TAB1: variants seen among roughly 807,000 people sequenced by gnomAD.
TAB1 encodes TGF-beta activated kinase 1 (MAP3K7) binding protein 1.
In TAB1, 30 loss-of-function variants were observed where a neutral mutation model predicts 54.5. That is an observed-to-expected ratio of 0.55 (90% confidence interval 0.41 to 0.75). The LOEUF is 0.75. TAB1 is among the 30% of genes least tolerant of loss of function. TAB1 has a pLI of 0.00. For missense variants in TAB1, 609 were observed against 683.2 expected, an observed-to-expected ratio of 0.89 and a Z score of 1.21; for synonymous variants, 289 against 286.9, an observed-to-expected ratio of 1.01 and a Z score of -0.07.
At chr22:39,418,318 T>G (rs1477944380) in intron 5 of TAB1, among the ~76,000 whole-genome samples, 6 of 152,224 alleles carry the variant, frequency 3.9e-5, no homozygotes, top group African/African-American at 1.4e-4. Context: ...AGTGGAAAAT[T>G]TTCCACAATA....
downstream of TAB1, chr22:39,433,600 G>C (rs969231857): frequency 5.4e-5 from 53 of 985,348 alleles, no homozygotes; most frequent in Non-Finnish European, 5.8e-5. Flanking sequence ...TCCTCACTAG[G>C]AGTTGTACCG....
downstream of TAB1, chr22:39,433,928 C>T (rs940993921): frequency 1.7e-5 from 10 of 591,870 alleles, no homozygotes; most frequent in South Asian, 6.9e-4. Context: ...ATGGGTCACT[C>T]ACTCTCAGCC....
chr22:39,409,762 C>G (rs1030025420), intron 1 of TAB1, among the ~76,000 whole-genome samples: 1 of 152,150 alleles, frequency 6.6e-6, no homozygotes, highest in Non-Finnish European at 1.5e-5. Flanking sequence ...GTCCCATTAC[C>G]ATGGTGTGTT....
chr22:39,435,490 G>A (rs1382051615), downstream of TAB1, among the ~76,000 whole-genome samples: 2 of 152,216 alleles, frequency 1.3e-5, no homozygotes, highest in African/African-American at 4.8e-5. Context: ...TGTGTCTGAA[G>A]GTTCGCTGGG....
At position 39,419,972 on chromosome 22, in the gene TAB1, C is replaced by A. The variant is rs1046400934; in HGVS notation, c.776+342C>A. ...TGTAGAAACAAGGGGTGGAGTTGAG[C>A]TGGGCCAAAGCTGAGGGCAGCAACT... is the stretch of plus-strand genomic sequence containing the variant. On this transcript the variant is annotated intron_variant, in intron 7 of 10. Coordinates refer to ENST00000216160, the MANE Select transcript of TAB1 (RefSeq NM_006116.3). Among the ~76,000 whole-genome samples the A allele has an allele frequency of 3.2e-5, 4 of 124,554 alleles. No homozygotes were observed. In the South Asian group the frequency reaches 1.1e-3, roughly 34 times the overall value. The allele number at this position is 124,554 out of a possible 152,430, so 81.7% of individuals were successfully genotyped here.
At chr22:39,421,425 A>G (rs907568685) in intron 7 of TAB1, among the ~76,000 whole-genome samples, 7 of 152,124 alleles carry the variant, frequency 4.6e-5, no homozygotes, top group African/African-American at 1.4e-4. Context: ...ACACATGGAG[A>G]GTATCTGGGG....
intron 8 of TAB1, among the ~76,000 whole-genome samples, chr22:39,422,974 T>C (rs961247961): frequency 1.5e-4 from 22 of 150,952 alleles, no homozygotes; most frequent in African/African-American, 2.2e-4. Flanking sequence ...CTTTTCTGCT[T>C]TGACTTTTTT....
downstream of TAB1, chr22:39,433,569 C>T (rs897983954): frequency 9.2e-5 from 91 of 985,430 alleles, no homozygotes; most frequent in African/African-American, 1.3e-3. Flanking sequence ...GGTCTGAGGG[C>T]GCCGCAGCAC....
intron 1 of TAB1, among the ~76,000 whole-genome samples, chr22:39,401,250 A>G (rs1471207857): frequency 6.6e-6 from 1 of 152,252 alleles, no homozygotes; most frequent in Non-Finnish European, 1.5e-5. Context: ...ACCTGGAACC[A>G]GAGCCTTGAA....
intron 1 of TAB1, among the ~76,000 whole-genome samples, chr22:39,408,383 G>A (rs547083715): frequency 4.6e-5 from 7 of 152,214 alleles, no homozygotes; most frequent in South Asian, 2.1e-4. Context: ...GTTGTGAAAC[G>A]CTCTCAGATG....
Position 39,415,527 on chromosome 22 carries a change from G to C in TAB1, c.198G>C (p.Gly66=), listed in dbSNP as rs766617544. ...GTGAGAACAACTGCTTCCTGTATGG[G>C]GTCTTCAACGGCTATGATGGCAACC... is the stretch of plus-strand genomic sequence containing the variant. The part of the protein sequence containing the change: ...FRSENNCFLY[G]VFNGYDGNRV... The change falls in exon 3 of 11, where the codon GGG becomes GGC. Residue 66 remains glycine (G), a synonymous_variant. Coordinates refer to ENST00000216160, the MANE Select transcript of TAB1 (RefSeq NM_006116.3). The surrounding 1 kb of genome is among the most constrained non-coding windows in gnomAD (Gnocchi z 4.9). 3.1e-6 allele frequency: 5 copies of C among 1,614,040 alleles called. No individual in the cohort carries two copies. Among genetic ancestry groups the C allele is most frequent in the Non-Finnish European group, 3.4e-6 (4 of 1,180,012 alleles).
intron 1 of TAB1, among the ~76,000 whole-genome samples, chr22:39,409,750 G>A (rs563679099): frequency 2.0e-5 from 3 of 152,146 alleles, no homozygotes; most frequent in Admixed American, 6.5e-5. Context: ...CCATCACGCT[G>A]TGTCCCATTA....
chr22:39,420,882 C>G (rs111706766), intron 7 of TAB1, among the ~76,000 whole-genome samples: 1,117 of 14,326 alleles, frequency 0.078, 227 homozygotes, highest in African/African-American at 0.31. Flanking sequence ...GTGTCTCTCT[C>G]TGTGTGTGTG....
In TAB1 at chr22:39,419,772, G is replaced by A. The variant is rs1926990237; in HGVS notation, c.776+142G>A. On this transcript the variant is annotated intron_variant, in intron 7 of 10. Coordinates refer to ENST00000216160, the MANE Select transcript of TAB1 (RefSeq NM_006116.3). ...ACTGCACTCCAGCCTGGGCAACAGA[G>A]CAAGACCCTGTCTCAAAAAAAAAAA... 2.0e-5 allele frequency: 9 copies of A among 456,778 alleles called. No individual in the cohort carries two copies. The East Asian group carries it at 3.0e-4, about 15-fold the overall frequency. The allele number at this position is 456,778 out of a possible 1,614,324, so 28.3% of individuals were successfully genotyped here.
At chr22:39,416,130 T>G (rs1177675037) in intron 3 of TAB1, among the ~76,000 whole-genome samples, 1 of 152,146 alleles carries the variant, frequency 6.6e-6, no homozygotes, top group Non-Finnish European at 1.5e-5. Context: ...TGGCATCTGC[T>G]TTCAGGAGCA....
chr22:39,428,629 G>T (rs937172836), intron 10 of TAB1, among the ~76,000 whole-genome samples: 1 of 152,156 alleles, frequency 6.6e-6, no homozygotes, highest in Non-Finnish European at 1.5e-5. Context: ...AGCCTGAGGG[G>T]GATGCGGCCA....
chr22:39,430,132 C>T lies in TAB1; in HGVS notation c.1425C>T (p.Asp475=), dbSNP rs147601362. The T allele has an allele frequency of 8.7e-4, 1,400 of 1,614,018 alleles. 6 individuals are homozygous for T. The highest frequency in any genetic ancestry group is 5.8e-3 in the Middle Eastern group (35 of 6,062). Residue 475 remains aspartate, a synonymous_variant, in exon 11 of 11, where the codon GAC becomes GAT. Transcript: ENST00000216160. ...RPAHSLPPGE[D]GRVEPYVDFA... ...CCCACTCGCTCCCGCCTGGCGAGGA[C>T]GGTCGTGTTGAGCCCTATGTGGACT...
At chr22:39,427,563 C>T (rs972767524) in intron 9 of TAB1, among the ~76,000 whole-genome samples, 1 of 152,336 alleles carries the variant, frequency 6.6e-6, no homozygotes, top group Non-Finnish European at 1.5e-5. Flanking sequence ...ATTTCTTTTT[C>T]TTTGCTTTAA....
In TAB1 at chr22:39,426,734, C is replaced by T; in HGVS notation, c.953C>T (p.Ala318Val). The part of the protein sequence containing the change: ...EIAAMIDTEF[A>V]KQTSLDAVAQ... ...GCTGCGATGATTGACACTGAGTTTG[C>T]CAAGCAGACCTCCCTGGACGCAGTG... The change falls in exon 9 of 11, where the codon GCC (alanine) becomes GTC (valine). Residue 318 changes from alanine to valine, a missense_variant. Coordinates refer to ENST00000216160, the MANE Select transcript of TAB1 (RefSeq NM_006116.3). The T allele has an allele frequency of 1.2e-6, 2 of 1,608,070 alleles. No homozygotes were observed. Among genetic ancestry groups the T allele is most frequent in the Non-Finnish European group, 8.5e-7 (1 of 1,175,024 alleles).
Sources: gnomAD v4.1 joint callset for allele counts (sites outside exome capture counted in the v4.1 genomes callset) on GRCh38, gnomAD v4.1.1 for gene constraint, Gnocchi (gnomAD v3.1) non-coding constraint, MANE v1.5 for transcripts, NCBI Gene and HGNC (gene_info 2026-07-23, HGNC 2026-07-21) for gene names.